The following ARHGAP42 variants were observed in gnomAD, a reference collection of about 807,000 sequenced individuals.
ARHGAP42 encodes the protein Rho GTPase activating protein 42.
ARHGAP42 carries 63 observed loss-of-function variants against 125.0 expected under a neutral mutation model. The observed-to-expected ratio is 0.50, with a 90% CI of 0.41 to 0.62. ARHGAP42 has a LOEUF of 0.62. ARHGAP42 is among the 20% of genes least tolerant of loss of function. The probability of loss-of-function intolerance (pLI) is 0.00; values close to 1 mark genes in which losing one functional copy is unlikely to be tolerated. For synonymous variants in ARHGAP42, 339 were observed against 351.0 expected (o/e 0.97, Z 0.38); for missense variants, 766 against 1,024.2 (o/e 0.75, Z 3.44).
intron 3 of ARHGAP42, among the ~76,000 whole-genome samples, chr11:100,824,340 C>T (rs1401236482): frequency 1.3e-5 from 2 of 152,092 alleles, no homozygotes; most frequent in East Asian, 1.9e-4. Context: ...TAAGGCTGCC[C>T]TCACTGTTTT....
chr11:100,779,459 A>ATT (rs1565210431), intron 2 of ARHGAP42, among the ~76,000 whole-genome samples: 4 of 87,286 alleles, frequency 4.6e-5, no homozygotes, highest in South Asian at 5.7e-4. Context: ...AAAAAAAAAA[A>ATT]AAAAAAAAAT....
At chr11:100,976,556 C>CTG (rs1591335224) in intron 20 of ARHGAP42, 119 bp downstream of exon 20, 2 of 1,371,474 alleles carry the variant, frequency 1.5e-6, no homozygotes, top group East Asian at 5.0e-5. Context: ...TGCTTATCTA[C>CTG]TTTTTTCCTG....
At chr11:100,974,384 G>T (rs751204244) in intron 18 of ARHGAP42, 75 bp from the exon 19 acceptor site, 1 of 1,416,242 alleles carries the variant, frequency 7.1e-7, no homozygotes, top group Admixed American at 2.1e-5. Context: ...GTAGCATATG[G>T]TTCAAAGCTT....
At chr11:100,978,943 A>C in intron 21 of ARHGAP42, 44 bp from the exon 22 acceptor site, 1 of 1,540,714 alleles carries the variant, frequency 6.5e-7, no homozygotes, top group Non-Finnish European at 8.8e-7. Flanking sequence ...GCAGAACTGA[A>C]TGTGATTGAC....
chr11:100,712,427 A>C (rs1356471655), intron 1 of ARHGAP42, among the ~76,000 whole-genome samples: 3 of 152,198 alleles, frequency 2.0e-5, no homozygotes, highest in Non-Finnish European at 4.4e-5. Flanking sequence ...ATATGAAAAA[A>C]ATTGCCTGTG....
At chr11:100,733,705 A>G (rs1862001117) in intron 1 of ARHGAP42, among the ~76,000 whole-genome samples, 2 of 151,068 alleles carry the variant, frequency 1.3e-5, no homozygotes, top group African/African-American at 4.9e-5. Flanking sequence ...CATGCCTGTG[A>G]TCCCAGCCTC....
chr11:100,789,511 C>T (rs1863515947), intron 2 of ARHGAP42, among the ~76,000 whole-genome samples: 1 of 152,160 alleles, frequency 6.6e-6, no homozygotes, highest in African/African-American at 2.4e-5. Context: ...GCAAGCAAGC[C>T]ATGGGTGCAG....
At chr11:100,897,537 C>G (rs1162657683) in intron 4 of ARHGAP42, among the ~76,000 whole-genome samples, 1 of 152,058 alleles carries the variant, frequency 6.6e-6, no homozygotes, top group East Asian at 1.9e-4. Flanking sequence ...TTGTAGTTCT[C>G]CTTGAAGAGG....
At chr11:100,872,194 A>T (rs986136492) in intron 4 of ARHGAP42, among the ~76,000 whole-genome samples, 3 of 152,228 alleles carry the variant, frequency 2.0e-5, no homozygotes, top group Non-Finnish European at 4.4e-5. Flanking sequence ...TAGCATTTTT[A>T]AAAATAGTGT....
At chr11:100,884,614 G>A (rs182331830) in intron 4 of ARHGAP42, among the ~76,000 whole-genome samples, 8 of 152,208 alleles carry the variant, frequency 5.3e-5, no homozygotes, top group East Asian at 3.9e-4. Flanking sequence ...CATTGTTGAC[G>A]CAAAGCAGAG....
chr11:100,971,368 A>C (rs1044803435), intron 17 of ARHGAP42, among the ~76,000 whole-genome samples: 1 of 152,158 alleles, frequency 6.6e-6, no homozygotes, highest in South Asian at 2.1e-4. Flanking sequence ...GATTTGAAAC[A>C]ATACAAGTTG....
chr11:100,765,505 A>G (rs1193510206), intron 1 of ARHGAP42, among the ~76,000 whole-genome samples: 1 of 152,136 alleles, frequency 6.6e-6, no homozygotes, highest in Non-Finnish European at 1.5e-5. Flanking sequence ...GTGTGATGGC[A>G]TCTAGTTCTT....
At chr11:100,980,736 A>G (rs770410506) in intron 22 of ARHGAP42, among the ~76,000 whole-genome samples, 4 of 148,218 alleles carry the variant, frequency 2.7e-5, no homozygotes, top group Non-Finnish European at 6.0e-5. Flanking sequence ...ATGTGCAGCT[A>G]ATTTTTGTAA....
intron 16 of ARHGAP42, among the ~76,000 whole-genome samples, chr11:100,964,640 G>T (rs1858044032): frequency 6.6e-6 from 1 of 152,196 alleles, no homozygotes; most frequent in African/African-American, 2.4e-5. Flanking sequence ...AATGTTAAGT[G>T]AAGCTTTCTT....
intron 1 of ARHGAP42, among the ~76,000 whole-genome samples, chr11:100,745,712 C>G (rs1236035203): frequency 2.0e-5 from 3 of 152,172 alleles, no homozygotes; most frequent in Non-Finnish European, 4.4e-5. Context: ...TCTTTTTCTG[C>G]TAATATCGTG....
In ARHGAP42 at chr11:100,988,838, A is replaced by C. The variant is rs924669625; in HGVS notation, c.*37A>C. 2.8e-6 allele frequency: 4 copies of C among 1,425,384 alleles called. No homozygotes were observed. Among genetic ancestry groups the C allele is most frequent in the Non-Finnish European group, 3.9e-6 (4 of 1,036,780 alleles). The allele number at this position is 1,425,384 out of a possible 1,614,324, so 88.3% of individuals were successfully genotyped here. ...GGATGGCAGTATCTTCATGGTATCC[A>C]TGGTAACGAATAAATGCTATGATTT... On this transcript the variant is annotated 3_prime_UTR_variant, in exon 24 of 24. Coordinates refer to ENST00000298815, the MANE Select transcript of ARHGAP42 (RefSeq NM_152432.4).
chr11:100,965,671 A>G lies in ARHGAP42; in HGVS notation c.1445A>G (p.Lys482Arg). The G allele has an allele frequency of 1.3e-6, 2 of 1,549,914 alleles. No homozygotes were observed. Among genetic ancestry groups the G allele is most frequent in the Non-Finnish European group, 1.7e-6 (2 of 1,146,686 alleles). Residue 482 changes from lysine (K) to arginine (R), a missense_variant and splice_region_variant, in exon 17 of 24, where the codon AAA (lysine) becomes AGA (arginine). Physicochemically the swap from Lys to Arg is conservative, Grantham distance 26 (BLOSUM62 2). Transcript: ENST00000298815. Reference sequence around the variant, plus strand: ...ATTTGCAATCTTTTTTATGTAACAGAATCTGATGATCAAAACTACAGGGTG... The same window carrying G: ...ATTTGCAATCTTTTTTATGTAACAGGATCTGATGATCAAAACTACAGGGTG... ...KLHKDFIIAV[K>R]SDDQNYRVEA...
intron 17 of ARHGAP42, among the ~76,000 whole-genome samples, chr11:100,970,583 TAAA>T (rs146888234): frequency 6.1e-5 from 9 of 148,192 alleles, no homozygotes; most frequent in African/African-American, 2.2e-4. Flanking sequence ...CCAGGTCACT[TAAA>T]AAAAAAACAA....
At chr11:100,952,734 C>CTTTTTTTTTTTTTTTTTTT (rs59112603) in intron 12 of ARHGAP42, among the ~76,000 whole-genome samples, 1 of 117,526 alleles carries the variant, frequency 8.5e-6, no homozygotes, top group African/African-American at 3.2e-5. Flanking sequence ...CTAAGTCAGG[C>CTTTTTTTTTTTTTTTTTTT]TTTTTTTTTT....
Sources: allele counts gnomAD v4.1 joint callset (sites outside exome capture counted in the v4.1 genomes callset), GRCh38; gene constraint gnomAD v4.1.1; transcripts MANE v1.5; gene names NCBI Gene and HGNC (gene_info 2026-07-23, HGNC 2026-07-21).